The following MANEA variants were observed in gnomAD, a reference collection of about 807,000 sequenced individuals.
MANEA encodes the protein mannosidase endo-alpha.
A neutral mutation model predicts 36.8 loss-of-function variants in MANEA; 25 were observed. The ratio of observed to expected loss-of-function variants is 0.68; its 90% CI spans 0.50 to 0.95. MANEA has a LOEUF of 0.95. Among genes scored for constraint, MANEA ranks in the 40% least tolerant of loss-of-function variants. The pLI, the probability that MANEA is intolerant of heterozygous loss-of-function variation, is 0.00. For missense variants in MANEA, 565 were observed against 558.8 expected, an observed-to-expected ratio of 1.01 and a Z score of -0.11; for synonymous variants, 198 against 188.5, an observed-to-expected ratio of 1.05 and a Z score of -0.41.
chr6:95,590,363 A>G (rs1478805250), intron 2 of MANEA, among the ~76,000 whole-genome samples: 1 of 152,228 alleles, frequency 6.6e-6, no homozygotes, highest in Non-Finnish European at 1.5e-5. Context: ...TTCTAGGGAC[A>G]TAAAAATGAG....
Position 95,607,416 on chromosome 6 carries a change from C to T in MANEA, c.*1011C>T, listed in dbSNP as rs748197021. The T allele has an allele frequency of 8.6e-5, 13 of 151,620 alleles. No individual in the cohort carries two copies. Among genetic ancestry groups the T allele is most frequent in the Non-Finnish European group, 1.9e-4 (13 of 67,852 alleles). The allele number at this position is 151,620 out of a possible 1,614,324, so 9.4% of individuals were successfully genotyped here. ...CTTTTAATACTTTAAGTTATTTTGA[C>T]GAAAAGTAATAGAGAAAATTTACTT... On this transcript the variant is annotated 3_prime_UTR_variant, in exon 5 of 5. Coordinates refer to ENST00000358812, the MANE Select transcript of MANEA (RefSeq NM_024641.4).
chr6:95,596,714 T>C, intron 2 of MANEA, 23 bp from the exon 3 acceptor site: 1 of 1,275,260 alleles, frequency 7.8e-7, no homozygotes, highest in Non-Finnish European at 1.1e-6. Context: ...TCTTTTCCCT[T>C]TCTTTTTGGT....
At chr6:95,594,101 T>G (rs2127942036) in intron 2 of MANEA, among the ~76,000 whole-genome samples, 1 of 150,784 alleles carries the variant, frequency 6.6e-6, no homozygotes, top group Non-Finnish European at 1.5e-5. Context: ...TACATGTGTA[T>G]GTGCGTGCTA....
At chr6:95,580,393 G>C (rs1231855168) in intron 1 of MANEA, among the ~76,000 whole-genome samples, 2 of 152,104 alleles carry the variant, frequency 1.3e-5, no homozygotes, top group African/African-American at 4.8e-5. Context: ...TCTAGTAGGT[G>C]ATATAAAGAT....
At chr6:95,591,055 TA>T (rs1340007309) in intron 2 of MANEA, among the ~76,000 whole-genome samples, 2 of 152,244 alleles carry the variant, frequency 1.3e-5, no homozygotes, top group Non-Finnish European at 2.9e-5. Flanking sequence ...AATTGGCCTG[TA>T]AAAGGCAAGA....
At chr6:95,604,061 GGTGTGTGTGT>G (rs71012509) in intron 3 of MANEA, among the ~76,000 whole-genome samples, 16 of 138,386 alleles carry the variant, frequency 1.2e-4, no homozygotes, top group African/African-American at 4.0e-4. Flanking sequence ...TATGTATGTA[GGTGTGTGTGT>G]GTGTGTGTGT....
Position 95,586,770 on chromosome 6 carries a change from T to G in MANEA, c.331T>G (p.Tyr111Asp). The stretch of plus-strand genomic sequence containing the variant: ...TCTACATGTATTTTATTACAGTTGG[T>G]ATGGAAATCCACAATTTGATGGTAA... ...NYLHVFYYSW[Y>D]GNPQFDGKYI... is the part of the protein sequence containing the mutation. Residue 111 changes from tyrosine to aspartate, a missense_variant, in exon 2 of 5, where the codon TAT becomes GAT. By Grantham distance (160) the Tyr-to-Asp change is radical. Coordinates refer to ENST00000358812, the MANE Select transcript of MANEA (RefSeq NM_024641.4). 1.2e-6 allele frequency: 2 copies of G among 1,613,756 alleles called. No homozygotes were observed. The highest frequency in any genetic ancestry group is 2.2e-5 in the South Asian group (2 of 91,076).
intron 1 of MANEA, among the ~76,000 whole-genome samples, chr6:95,584,227 G>A (rs9387352): frequency 0.6 from 90,718 of 151,976 alleles, 27,490 homozygotes; most frequent in East Asian, 0.87. Flanking sequence ...CGATTTTTAA[G>A]ACAGCGATAA....
In MANEA at chr6:95,586,663, A is replaced by T; in HGVS notation, c.224A>T (p.Asn75Ile). The change falls in exon 2 of 5, where the codon AAT becomes ATT. Residue 75 changes from asparagine (N) to isoleucine (I), a missense_variant. Coordinates refer to ENST00000358812, the MANE Select transcript of MANEA (RefSeq NM_024641.4). ...ATCAACAGTGAAACAAATACCAAGA[A>T]TTTAAAAAGTGTTGAAATCACTATG... ...DRINSETNTK[N>I]LKSVEITMKP... 6.2e-7 allele frequency: 1 copy of T among 1,614,088 alleles called. No homozygotes were observed. Among genetic ancestry groups the T allele is most frequent in the South Asian group, 1.1e-5 (1 of 91,082 alleles).
intron 2 of MANEA, chr6:95,588,219 C>G (rs1769324390): frequency 6.6e-6 from 1 of 151,962 alleles, no homozygotes; most frequent in African/African-American, 2.4e-5. Flanking sequence ...AGAGCTAGAA[C>G]AAGAAATTGG....
At chr6:95,594,723 G>A (rs553754100) in intron 2 of MANEA, among the ~76,000 whole-genome samples, 21 of 152,182 alleles carry the variant, frequency 1.4e-4, no homozygotes, top group Non-Finnish European at 2.9e-4. Flanking sequence ...TCTGCCTGGT[G>A]ACTGTTTAGA....
At chr6:95,603,481 G>A (rs1287630213) in intron 3 of MANEA, among the ~76,000 whole-genome samples, 4 of 151,972 alleles carry the variant, frequency 2.6e-5, no homozygotes, top group African/African-American at 9.7e-5. Context: ...TTTGACCTTA[G>A]TTTTTTATGA....
Position 95,582,959 on chromosome 6 carries a change from G to A in MANEA, c.-38-3443G>A, listed in dbSNP as rs183748978. 8.5e-5 allele frequency among the ~76,000 whole-genome samples: 13 copies of A among 152,182 alleles called. No individual in the cohort carries two copies. In the East Asian group the frequency reaches 9.7e-4, roughly 11 times the overall value. On this transcript the variant is annotated intron_variant, in intron 1 of 4. Transcript: ENST00000358812. The stretch of plus-strand genomic sequence containing the variant: ...TCTGTGTTTTTCTCAGTACGGGTTC[G>A]CTGAAGACTAATGGCCATACTTATT...
Position 95,608,618 on chromosome 6 carries a change from T to A in MANEA, c.*2213T>A, listed in dbSNP as rs1769760950. On this transcript the variant is annotated 3_prime_UTR_variant, in exon 5 of 5. Coordinates refer to ENST00000358812, the MANE Select transcript of MANEA (RefSeq NM_024641.4). ...AATGGAAGAATGGCATCTGATCTCATAATTACTAGTTTATATTAATATAGT... is the reference window on the plus strand; with the variant it reads ...AATGGAAGAATGGCATCTGATCTCAAAATTACTAGTTTATATTAATATAGT... 6.6e-6 allele frequency: 1 copy of A among 151,838 alleles called. No individual in the cohort carries two copies. Among genetic ancestry groups the A allele is most frequent in the Admixed American group, 6.6e-5 (1 of 15,238 alleles). The allele number at this position is 151,838 out of a possible 1,614,324, so 9.4% of individuals were successfully genotyped here.
At chr6:95,598,679 A>G (rs1437490701) in intron 3 of MANEA, among the ~76,000 whole-genome samples, 1 of 152,194 alleles carries the variant, frequency 6.6e-6, no homozygotes, top group Non-Finnish European at 1.5e-5. Context: ...CTGCAAAGTT[A>G]TGAATACCAG....
chr6:95,585,536 A>G (rs1356652682), intron 1 of MANEA, among the ~76,000 whole-genome samples: 1 of 152,182 alleles, frequency 6.6e-6, no homozygotes, highest in Admixed American at 6.5e-5. Context: ...GCTGGTCTCA[A>G]ACTGCTGAAC....
At chr6:95,598,740 C>A (rs1288323906) in intron 3 of MANEA, among the ~76,000 whole-genome samples, 2 of 151,906 alleles carry the variant, frequency 1.3e-5, no homozygotes, top group Admixed American at 1.3e-4. Context: ...CAGAAAACTT[C>A]CAAATTTATT....
chr6:95,605,473 T>A (rs1426439349), intron 4 of MANEA, among the ~76,000 whole-genome samples: 1 of 152,210 alleles, frequency 6.6e-6, no homozygotes, highest in Non-Finnish European at 1.5e-5. Flanking sequence ...TTATTTATAA[T>A]GTAGAGACAT....
rs371927276 is a variant in MANEA at position 95,605,872 on chromosome 6, G to C, written c.856G>C (p.Gly286Arg). 2 of 1,613,862 alleles carry C rather than the reference G, an allele frequency of 1.2e-6. No homozygotes were observed. The highest frequency in any genetic ancestry group is 1.3e-5 in the African/African-American group (1 of 74,860). ...ATGGGCCAATCTGTTAACCACCTCA[G>C]GGTCTCGGAGTATTCGCAATTCTCC... ...EKWANLLTTS[G>R]SRSIRNSPYD... is the part of the protein sequence containing the mutation. The change falls in exon 5 of 5, where the codon GGG becomes CGG. Residue 286 changes from glycine (G) to arginine (R), a missense_variant. Coordinates refer to ENST00000358812, the MANE Select transcript of MANEA (RefSeq NM_024641.4).
Sources: gnomAD v4.1 joint callset for allele counts (sites outside exome capture counted in the v4.1 genomes callset) on GRCh38, gnomAD v4.1.1 for gene constraint, MANE v1.5 for transcripts, NCBI Gene and HGNC (gene_info 2026-07-23, HGNC 2026-07-21) for gene names.